The following NAV2 variants were observed in gnomAD, a reference collection of about 807,000 sequenced individuals.
The protein encoded by NAV2 is neuron navigator 2.
A neutral mutation model predicts 223.2 loss-of-function variants in NAV2; 54 were observed. The ratio of observed to expected loss-of-function variants is 0.24; its 90% CI spans 0.19 to 0.30. NAV2 has a LOEUF of 0.30. Ranked by LOEUF, NAV2 falls within the 10% of genes least tolerant of loss-of-function variation. The pLI, the probability that NAV2 is intolerant of heterozygous loss-of-function variation, is 1.00. For synonymous variants in NAV2, 1,279 were observed against 1,239.3 expected (o/e 1.03, Z -0.67); for missense variants, 2,806 against 3,147.5 (o/e 0.89, Z 2.60).
intron 1 of NAV2, among the ~76,000 whole-genome samples, chr11:19,560,008 C>G (rs1358549666): frequency 6.6e-6 from 1 of 152,250 alleles, no homozygotes; most frequent in Admixed American, 6.5e-5. Flanking sequence ...CTGCTTCGCT[C>G]TAGCTGCAGG....
intron 1 of NAV2, among the ~76,000 whole-genome samples, chr11:19,358,197 G>T (rs1235992866): frequency 6.6e-6 from 1 of 152,184 alleles, no homozygotes; most frequent in Non-Finnish European, 1.5e-5. Flanking sequence ...GAAGAGAAAT[G>T]AGAGGAGATG....
intron 5 of NAV2, among the ~76,000 whole-genome samples, chr11:19,882,143 A>G (rs576138470): frequency 3.9e-5 from 6 of 152,302 alleles, no homozygotes; most frequent in South Asian, 2.1e-4. Context: ...CAAAAAATCC[A>G]CCTTTGCTTC....
Position 20,055,940 on chromosome 11 carries a change from G to A in NAV2, c.4814G>A (p.Arg1605Gln), listed in dbSNP as rs748693833. The A allele has an allele frequency of 1.3e-5, 21 of 1,613,646 alleles. No homozygotes were observed. The highest frequency in any genetic ancestry group is 2.2e-5 in the South Asian group (2 of 91,070). ...SRTMSRSGSF[R>Q]DGFEEVHGSS... ...ACCATGAGCCGTTCAGGCTCATTCCGGGATGGGTTTGAAGAAGGTAAGGAA... is the reference window on the plus strand; with the variant it reads ...ACCATGAGCCGTTCAGGCTCATTCCAGGATGGGTTTGAAGAAGGTAAGGAA... The change falls in exon 19 of 38, where the codon CGG becomes CAG. Residue 1605 changes from arginine to glutamine, a missense_variant. Physicochemically the swap from Arg to Gln is conservative, Grantham distance 43. Around this residue, in one of 4 missense-constraint regions of NAV2, gnomAD observed 824 missense variants for 1,069.4 expected, o/e 0.77. Coordinates refer to ENST00000349880, the MANE Select transcript of NAV2 (RefSeq NM_145117.5).
intron 33 of NAV2, 118 bp from the exon 34 acceptor site, chr11:20,103,535 G>T: frequency 6.7e-7 from 1 of 1,487,400 alleles, no homozygotes; most frequent in Middle Eastern, 1.7e-4. Context: ...AGGGTTGGGA[G>T]TGGGAGGCAG....
chr11:19,526,612 T>G (rs11600796), intron 1 of NAV2, among the ~76,000 whole-genome samples: 27,874 of 152,096 alleles, frequency 0.18, 2,779 homozygotes, highest in Non-Finnish European at 0.22. Context: ...GGTGTGCTTG[T>G]GCTTATTGGC....
Position 19,995,988 on chromosome 11 carries a change from A to AT in NAV2, c.2768+11746dup, listed in dbSNP as rs528715843. 2.6e-5 allele frequency among the ~76,000 whole-genome samples: 4 copies of AT among 152,216 alleles called. No homozygotes were observed. The South Asian group carries it at 8.3e-4, about 32-fold the overall frequency. On this transcript the variant is annotated intron_variant, in intron 11 of 37. Transcript: ENST00000349880. Reference sequence around the variant, plus strand: ...TTTGGAGGGACTCTCCTATGCTGTGATTTTTCATGCAGTTGACAGGCTTTG... The same window carrying AT: ...TTTGGAGGGACTCTCCTATGCTGTGATTTTTTCATGCAGTTGACAGGCTTTG...
At chr11:19,611,047 C>T (rs530142162) in intron 1 of NAV2, among the ~76,000 whole-genome samples, 21 of 152,198 alleles carry the variant, frequency 1.4e-4, no homozygotes, top group Admixed American at 3.3e-4. Flanking sequence ...TACAGTTCCA[C>T]ATGGCTAGGG....
chr11:19,730,299 C>T (rs903199018), intron 1 of NAV2, among the ~76,000 whole-genome samples: 9 of 152,202 alleles, frequency 5.9e-5, no homozygotes, highest in South Asian at 2.1e-4. Context: ...CCTTCAGTAA[C>T]GTTGTGCTGC....
intron 11 of NAV2, among the ~76,000 whole-genome samples, chr11:20,025,533 G>A (rs1033990606): frequency 1.3e-5 from 2 of 152,134 alleles, no homozygotes; most frequent in Admixed American, 6.5e-5. Flanking sequence ...TAAGGCATCC[G>A]GAGCTTTGGT....
intron 1 of NAV2, among the ~76,000 whole-genome samples, chr11:19,642,869 A>G (rs999066373): frequency 1.3e-5 from 2 of 152,178 alleles, no homozygotes; most frequent in African/African-American, 4.8e-5. Flanking sequence ...CCCTGTATTC[A>G]CAGTGGCTGC....
intron 22 of NAV2, among the ~76,000 whole-genome samples, chr11:20,075,514 T>A (rs975040610): frequency 6.6e-6 from 1 of 152,104 alleles, no homozygotes; most frequent in African/African-American, 2.4e-5. Flanking sequence ...GTGCTGGGAT[T>A]ACAGGCATGA....
intron 6 of NAV2, among the ~76,000 whole-genome samples, chr11:19,893,857 T>G (rs886552756): frequency 6.6e-6 from 1 of 152,224 alleles, no homozygotes; most frequent in African/African-American, 2.4e-5. Flanking sequence ...TTTCCTTTTC[T>G]TCACCGTACC....
intron 7 of NAV2, among the ~76,000 whole-genome samples, chr11:19,936,876 A>G (rs1427440675): frequency 6.6e-6 from 1 of 152,124 alleles, no homozygotes. Flanking sequence ...GGTGGCTTAC[A>G]CCTGAAATCC....
At chr11:20,021,240 TG>T (rs2054483471) in intron 11 of NAV2, among the ~76,000 whole-genome samples, 1 of 152,226 alleles carries the variant, frequency 6.6e-6, no homozygotes, top group Non-Finnish European at 1.5e-5. Flanking sequence ...TTGAGATTTT[TG>T]GTCTATTTTG....
chr11:19,433,907 G>A (rs952034650), intron 1 of NAV2, among the ~76,000 whole-genome samples: 2 of 152,218 alleles, frequency 1.3e-5, no homozygotes, highest in African/African-American at 4.8e-5. Context: ...AAATAATGCT[G>A]GCTGCTGTAA....
At chr11:19,567,274 T>C (rs1188066342) in intron 1 of NAV2, among the ~76,000 whole-genome samples, 3 of 152,060 alleles carry the variant, frequency 2.0e-5, no homozygotes, top group African/African-American at 4.8e-5. Flanking sequence ...CCACACTGGG[T>C]GAGGATTGGA....
chr11:20,060,109 C>T (rs1335968122), intron 19 of NAV2, among the ~76,000 whole-genome samples: 2 of 152,194 alleles, frequency 1.3e-5, no homozygotes, highest in Non-Finnish European at 2.9e-5. Flanking sequence ...CTGCCTGTGG[C>T]CCCATGCTTG....
intron 28 of NAV2, among the ~76,000 whole-genome samples, 185 bp from the exon 29 acceptor site, chr11:20,092,914 G>A (rs2060954514): frequency 6.6e-6 from 1 of 152,076 alleles, no homozygotes; most frequent in South Asian, 2.1e-4. Context: ...TGGTTCTTTG[G>A]TTGGTCCACC....
At chr11:20,084,728 G>A (rs1041528837) in intron 26 of NAV2, among the ~76,000 whole-genome samples, 1 of 152,140 alleles carries the variant, frequency 6.6e-6, no homozygotes, top group Admixed American at 6.5e-5. Flanking sequence ...AGAACCAGTT[G>A]CCTGTGACTC....
Sources: allele counts gnomAD v4.1 joint callset (sites outside exome capture counted in the v4.1 genomes callset), GRCh38; gene constraint gnomAD v4.1.1; regional missense constraint gnomAD v4.1.1; transcripts MANE v1.5; gene names NCBI Gene and HGNC (gene_info 2026-07-23, HGNC 2026-07-21).